Variants in SNTG2 observed in about 807,000 individuals in gnomAD.
SNTG2 encodes gamma-2-syntrophin.
SNTG2 carries 74 observed loss-of-function variants against 70.9 expected under a neutral mutation model. That is an observed-to-expected ratio of 1.04 (90% CI 0.86 to 1.27). The LOEUF (loss-of-function observed/expected upper bound fraction) is 1.27. Ranked by LOEUF, SNTG2 falls within the 50% of genes most tolerant of loss-of-function variation. The pLI, the probability that SNTG2 is intolerant of heterozygous loss-of-function variation, is 0.00. For synonymous variants in SNTG2, 278 were observed against 273.8 expected (o/e 1.02, Z -0.15); for missense variants, 717 against 690.7 (o/e 1.04, Z -0.43).
chr2:1,243,211 T>C (rs1327643607), intron 11 of SNTG2, among the ~76,000 whole-genome samples: 1 of 152,194 alleles, frequency 6.6e-6, no homozygotes, highest in African/African-American at 2.4e-5. Context: ...CACTCCTTAA[T>C]ACATAACTCT....
rs1558533725 is a variant in SNTG2, at chr2:1,209,195, C to T, written c.684C>T (p.Arg228=). 7 of 1,613,968 alleles carry T rather than the reference C, an allele frequency of 4.3e-6. No homozygotes were observed. The highest frequency in any genetic ancestry group is 2.2e-5 in the East Asian group (1 of 44,868). ...DTLSVPLSMA[R]ISRYKAGTEK... is the part of the protein sequence containing the mutation. ...TGTCCGTGCCTCTGTCCATGGCTCG[C>T]ATCTCAAGGTACAAAGCCGGAACGG... is the stretch of plus-strand genomic sequence containing the variant. The change falls in exon 9 of 17, where the codon CGC becomes CGT. Residue 228 remains arginine (R), a synonymous_variant. Transcript: ENST00000308624.
At chr2:1,173,915 G>A (rs1671298991) in intron 8 of SNTG2, among the ~76,000 whole-genome samples, 1 of 152,244 alleles carries the variant, frequency 6.6e-6, no homozygotes, top group Non-Finnish European at 1.5e-5. Flanking sequence ...AATCCTGTAA[G>A]CAGTTTGAAA....
chr2:1,072,384 G>A lies in SNTG2; in HGVS notation c.73-11134G>A, dbSNP rs530854718. 2.1e-4 allele frequency among the ~76,000 whole-genome samples: 27 copies of A among 130,112 alleles called. No individual in the cohort carries two copies. In the East Asian group the frequency reaches 6.0e-3, roughly 29 times the overall value. 85.4% of individuals were successfully genotyped at this position (130,112 alleles called of 152,430 possible). ...TTTTTTTACCATTCTGAAAATCCTA[G>A]GGCCCTTAAGCATAATGCTAAACCT... On this transcript the variant is annotated intron_variant, in intron 1 of 16. Coordinates refer to ENST00000308624, the MANE Select transcript of SNTG2 (RefSeq NM_018968.4).
intron 12 of SNTG2, among the ~76,000 whole-genome samples, chr2:1,254,001 T>G (rs1232011527): frequency 6.6e-6 from 1 of 152,112 alleles, no homozygotes; most frequent in Non-Finnish European, 1.5e-5. Flanking sequence ...TCATGAAAAC[T>G]CTATTAGGAG....
intron 1 of SNTG2, among the ~76,000 whole-genome samples, chr2:970,304 C>T (rs1255008696): frequency 6.6e-6 from 1 of 151,838 alleles, no homozygotes; most frequent in African/African-American, 2.4e-5. Context: ...TTGTAGGGTA[C>T]ATGTGCACAA....
chr2:1,159,126 A>G (rs575343523), intron 6 of SNTG2, among the ~76,000 whole-genome samples: 7 of 116,556 alleles, frequency 6.0e-5, no homozygotes, highest in Admixed American at 1.8e-4. Context: ...GTGTGTGTGT[A>G]TGCATGGGTG....
chr2:1,274,035 G>A (rs7575636), intron 14 of SNTG2, among the ~76,000 whole-genome samples: 46,516 of 152,098 alleles, frequency 0.31, 8,012 homozygotes, highest in African/African-American at 0.47. Context: ...AAATAGGTAG[G>A]TTGAAATATG....
chr2:1,202,777 G>A (rs1402436570), intron 8 of SNTG2, among the ~76,000 whole-genome samples: 2 of 152,134 alleles, frequency 1.3e-5, no homozygotes, highest in African/African-American at 4.8e-5. Context: ...GTCTATTAAT[G>A]TTTGATGAGT....
At position 1,165,636 on chromosome 2, in the gene SNTG2, G is replaced by A. The variant is rs1294258339; in HGVS notation, c.499+1G>A. ...CCGGCATTTCTGAAGCTCCCGTTAGGTAAGTGGGAAGAGGAGAAATGCCAG... is the reference window on the plus strand; with the variant it reads ...CCGGCATTTCTGAAGCTCCCGTTAGATAAGTGGGAAGAGGAGAAATGCCAG... On this transcript the variant is annotated splice_donor_variant, in intron 7 of 16. Transcript: ENST00000308624. LOFTEE classifies it high-confidence loss of function. The A allele has an allele frequency of 2.5e-6, 4 of 1,610,260 alleles. No homozygotes were observed. Among genetic ancestry groups the A allele is most frequent in the Non-Finnish European group, 3.4e-6 (4 of 1,178,584 alleles).
At chr2:1,331,842 A>G (rs1473598775) in intron 16 of SNTG2, among the ~76,000 whole-genome samples, 5 of 152,176 alleles carry the variant, frequency 3.3e-5, no homozygotes, top group Middle Eastern at 3.2e-3. Flanking sequence ...CTCTCATTGC[A>G]TGTTCAGAAA....
intron 2 of SNTG2, among the ~76,000 whole-genome samples, chr2:1,093,392 A>T (rs2148197806): frequency 6.6e-6 from 1 of 152,334 alleles, no homozygotes; most frequent in South Asian, 2.1e-4. Context: ...TCATAAAATA[A>T]TTAGGATGCA....
intron 16 of SNTG2, among the ~76,000 whole-genome samples, chr2:1,320,995 C>T (rs1681495588): frequency 1.3e-5 from 2 of 152,132 alleles, no homozygotes; most frequent in African/African-American, 4.8e-5. Context: ...TGAGGGTCAG[C>T]ACATATGTAC....
chr2:1,040,689 C>G (rs1661384147), intron 1 of SNTG2, among the ~76,000 whole-genome samples: 1 of 152,178 alleles, frequency 6.6e-6, no homozygotes, highest in African/African-American at 2.4e-5. Flanking sequence ...GATGTTTTTC[C>G]TTAACATCAT....
At chr2:1,135,821 T>C (rs1326295578) in intron 4 of SNTG2, among the ~76,000 whole-genome samples, 1 of 152,188 alleles carries the variant, frequency 6.6e-6, no homozygotes, top group African/African-American at 2.4e-5. Flanking sequence ...TTTGTAAAAA[T>C]CAATGCGTCT....
chr2:984,017 C>A (rs1661218869), intron 1 of SNTG2, among the ~76,000 whole-genome samples: 1 of 152,132 alleles, frequency 6.6e-6, no homozygotes, highest in Non-Finnish European at 1.5e-5. Flanking sequence ...GCTGTGGGCA[C>A]ACCCCTTTGT....
intron 1 of SNTG2, among the ~76,000 whole-genome samples, chr2:1,047,907 C>T (rs1485480793): frequency 1.3e-5 from 2 of 152,122 alleles, no homozygotes; most frequent in African/African-American, 4.8e-5. Flanking sequence ...TTTAAAGTGT[C>T]ACCGCTTAGA....
intron 2 of SNTG2, among the ~76,000 whole-genome samples, chr2:1,090,899 C>T (rs553782802): frequency 2.0e-5 from 3 of 152,284 alleles, no homozygotes; most frequent in East Asian, 3.9e-4. Context: ...GAGATCTTAT[C>T]GGGAAGCTGC....
At chr2:1,179,925 T>C (rs1671748273) in intron 8 of SNTG2, among the ~76,000 whole-genome samples, 1 of 140,712 alleles carries the variant, frequency 7.1e-6, no homozygotes, top group Non-Finnish European at 1.5e-5. Context: ...TATCTACAAC[T>C]ATCTGATCTT....
At chr2:1,071,214 C>T (rs936251039) in intron 1 of SNTG2, among the ~76,000 whole-genome samples, 5 of 151,606 alleles carry the variant, frequency 3.3e-5, no homozygotes, top group South Asian at 2.1e-4. Flanking sequence ...ATGTTTATTG[C>T]GGCATTACTC....
Sources: allele counts gnomAD v4.1 joint callset (sites outside exome capture counted in the v4.1 genomes callset), GRCh38; gene constraint gnomAD v4.1.1; transcripts MANE v1.5; gene names NCBI Gene and HGNC (gene_info 2026-07-23, HGNC 2026-07-21).